Variants in PCDHA1 observed in about 807,000 individuals in gnomAD.
PCDHA1 encodes the protein protocadherin alpha 1.
In PCDHA1, 42 loss-of-function variants were observed where a neutral mutation model predicts 61.3. That is an observed-to-expected ratio of 0.69 (90% CI 0.54 to 0.89). The LOEUF (loss-of-function observed/expected upper bound fraction) is 0.89, where lower values mean the gene tolerates loss of function less well. PCDHA1 is among the 40% of genes least tolerant of loss of function. The pLI, the probability that PCDHA1 is intolerant of heterozygous loss-of-function variation, is 0.00. For synonymous variants in PCDHA1, 610 were observed against 553.8 expected, an observed-to-expected ratio of 1.10 and a Z score of -1.43; for missense variants, 1,256 against 1,235.3, an observed-to-expected ratio of 1.02 and a Z score of -0.25.
chr5:140,967,565 C>A, intron 1 of PCDHA1: 1 of 1,614,080 alleles, frequency 6.2e-7, no homozygotes, highest in Non-Finnish European at 8.5e-7. Context: ...CGTCCAGCTA[C>A]GGGAGGACTC....
intron 1 of PCDHA1, chr5:140,828,761 G>T (rs1769927024): frequency 1.9e-6 from 3 of 1,614,218 alleles, no homozygotes; most frequent in Middle Eastern, 1.6e-4. Flanking sequence ...TGAGCTCACA[G>T]GCACTGTTCA....
At chr5:140,918,889 A>C (rs1057244376) in intron 1 of PCDHA1, among the ~76,000 whole-genome samples, 5 of 152,218 alleles carry the variant, frequency 3.3e-5, no homozygotes, top group African/African-American at 4.8e-5. Context: ...GAACAGTGAA[A>C]AATAAATCTC....
chr5:140,968,267 A>G, intron 1 of PCDHA1: 1 of 1,613,984 alleles, frequency 6.2e-7, no homozygotes, highest in Non-Finnish European at 8.5e-7. Flanking sequence ...TGAAAAGGAG[A>G]ATGCAGAGGT....
chr5:140,916,406 G>A (rs988786781), intron 1 of PCDHA1, among the ~76,000 whole-genome samples: 1 of 152,186 alleles, frequency 6.6e-6, no homozygotes, highest in Admixed American at 6.5e-5. Flanking sequence ...GATCACACCT[G>A]AAGTCAGCAC....
chr5:140,874,485 T>C (rs1235889322), intron 1 of PCDHA1, among the ~76,000 whole-genome samples: 1 of 152,218 alleles, frequency 6.6e-6, no homozygotes, highest in Non-Finnish European at 1.5e-5. Flanking sequence ...AAGCAAAAGG[T>C]TGATATCAAG....
chr5:140,843,056 A>G (rs2150351365), intron 1 of PCDHA1: 779,075 of 1,594,132 alleles, frequency 0.49, 229,035 homozygotes, highest in African/African-American at 0.71. Context: ...CGCAGCGAGC[A>G]AGCTGGTGCC....
At chr5:140,886,084 G>A (rs1554182347) in intron 1 of PCDHA1, among the ~76,000 whole-genome samples, 1 of 152,140 alleles carries the variant, frequency 6.6e-6, no homozygotes, top group Non-Finnish European at 1.5e-5. Context: ...CCACAACCTG[G>A]ATATTGACAT....
chr5:140,906,303 A>G (rs1195275228), intron 1 of PCDHA1, among the ~76,000 whole-genome samples: 5 of 152,220 alleles, frequency 3.3e-5, no homozygotes, highest in Non-Finnish European at 7.3e-5. Flanking sequence ...ATAAGGTCAT[A>G]ATTATTCCCA....
intron 1 of PCDHA1, among the ~76,000 whole-genome samples, chr5:140,964,622 T>A (rs1435749865): frequency 6.6e-6 from 1 of 152,048 alleles, no homozygotes; most frequent in African/African-American, 2.4e-5. Flanking sequence ...ATTCCACTTA[T>A]AAGCCATTTA....
At chr5:140,803,986 T>G in intron 1 of PCDHA1, 1 of 286,642 alleles carries the variant, frequency 3.5e-6, no homozygotes, top group Non-Finnish European at 6.5e-6. Context: ...GACTTCCTAC[T>G]ACCTGTTAGT....
chr5:140,968,405 G>A, intron 1 of PCDHA1: 1 of 1,614,002 alleles, frequency 6.2e-7, no homozygotes, highest in Non-Finnish European at 8.5e-7. Flanking sequence ...GGAGTTCTTT[G>A]TGACTGTGGA....
chr5:140,823,093 G>C lies in PCDHA1; in HGVS notation c.2394+34409G>C, dbSNP rs2150122208. ...GCCTTCGCTGTGGGCCACCGCCAGC[G>C]TGTCTGTGGAAGTGGCCGACGTGAA... On this transcript the variant is annotated intron_variant, in intron 1 of 3. Transcript: ENST00000504120. 7 of 1,614,058 alleles carry C rather than the reference G, an allele frequency of 4.3e-6. No individual in the cohort carries two copies. Among genetic ancestry groups the C allele is most frequent in the South Asian group, 3.3e-5 (3 of 91,080 alleles).
chr5:140,876,642 A>G (rs908095775), intron 1 of PCDHA1: 10 of 1,614,024 alleles, frequency 6.2e-6, no homozygotes, highest in African/African-American at 1.3e-5. Context: ...GCTCACTGAC[A>G]CCTCATGTTC....
chr5:140,998,569 GT>G (rs71574497), intron 3 of PCDHA1, among the ~76,000 whole-genome samples: 30,440 of 149,318 alleles, frequency 0.2, 3,131 homozygotes, highest in Middle Eastern at 0.33. Flanking sequence ...TTGTAAATAA[GT>G]TTTTTTTTTT....
At position 140,823,245 on chromosome 5, in the gene PCDHA1, C is replaced by T. The variant is rs2150123911; in HGVS notation, c.2394+34561C>T. 8 of 1,613,492 alleles carry T rather than the reference C, an allele frequency of 5.0e-6. No individual in the cohort carries two copies. The Admixed American group carries it at 8.3e-5, about 17-fold the overall frequency. On this transcript the variant is annotated intron_variant, in intron 1 of 3. Transcript: ENST00000504120. Reference sequence around the variant, plus strand: ...ACGCGCAGGAGAACGCCCTGGTGTCCTACTCGCTGGTGGAGCGGCGGGTGG... The same window carrying T: ...ACGCGCAGGAGAACGCCCTGGTGTCTTACTCGCTGGTGGAGCGGCGGGTGG...
chr5:140,841,974 G>A (rs1777620025), intron 1 of PCDHA1: 1 of 1,613,872 alleles, frequency 6.2e-7, no homozygotes, highest in South Asian at 1.1e-5. Context: ...ACAGATGGGG[G>A]CAAACCTGAG....
intron 1 of PCDHA1, chr5:140,813,552 C>A (rs1765332337): frequency 1.3e-5 from 2 of 152,088 alleles, no homozygotes; most frequent in African/African-American, 4.8e-5. Context: ...AGGGTACTTA[C>A]CCTATGAATG....
At chr5:140,882,677 A>C (rs782476966) in intron 1 of PCDHA1, 1 of 1,614,214 alleles carries the variant, frequency 6.2e-7, no homozygotes. Context: ...CCCTGAAAGC[A>C]AGAAACGAAT....
chr5:140,905,611 T>A (rs1396340503), intron 1 of PCDHA1, among the ~76,000 whole-genome samples: 1 of 152,224 alleles, frequency 6.6e-6, no homozygotes, highest in African/African-American at 2.4e-5. Flanking sequence ...ATTGAATCTA[T>A]AGATTGCTTT....
Sources: allele counts gnomAD v4.1 joint callset (sites outside exome capture counted in the v4.1 genomes callset), GRCh38; gene constraint gnomAD v4.1.1; transcripts MANE v1.5; gene names NCBI Gene and HGNC (gene_info 2026-07-23, HGNC 2026-07-21).